Variants in CDH13 observed in about 807,000 individuals in gnomAD.
CDH13 encodes the protein cadherin-13.
CDH13 carries 24 observed loss-of-function variants against 63.8 expected under a neutral mutation model. That is an observed-to-expected ratio of 0.38 (90% CI 0.27 to 0.53). The LOEUF (loss-of-function observed/expected upper bound fraction) is 0.53, where lower values mean the gene tolerates loss of function less well. Among genes scored for constraint, CDH13 ranks in the 20% least tolerant of loss-of-function variants. The pLI, the probability that CDH13 is intolerant of heterozygous loss-of-function variation, is 0.85. For synonymous variants in CDH13, 503 were observed against 355.3 expected (o/e 1.42, Z -4.67); for missense variants, 1,049 against 903.1 (o/e 1.16, Z -2.07).
At chr16:82,859,669 C>A (rs74029265) in intron 2 of CDH13, 1 of 151,664 alleles carries the variant, frequency 6.6e-6, no homozygotes, top group South Asian at 2.1e-4. Context: ...CTCAGGTTTA[C>A]GTTCCACGCT....
At chr16:82,905,492 A>G (rs879012246) in intron 2 of CDH13, among the ~76,000 whole-genome samples, 2 of 151,912 alleles carry the variant, frequency 1.3e-5, no homozygotes, top group Admixed American at 1.3e-4. Context: ...CAGCAAATTA[A>G]AAACAAAGCC....
At chr16:83,059,784 TTTTTGTTTG>T (rs2031335401) in intron 3 of CDH13, among the ~76,000 whole-genome samples, 1 of 123,812 alleles carries the variant, frequency 8.1e-6, no homozygotes, top group African/African-American at 3.0e-5. Context: ...TTTGTTTTTT[TTTTTGTTTG>T]TTTTTTTTTT....
intron 7 of CDH13, among the ~76,000 whole-genome samples, chr16:83,497,104 G>A (rs138406260): frequency 0.21 from 32,375 of 152,064 alleles, 3,536 homozygotes; most frequent in Middle Eastern, 0.31. Context: ...TCAGTGTGGC[G>A]TTTCCTCAGG....
intron 10 of CDH13, among the ~76,000 whole-genome samples, chr16:83,746,706 A>G (rs1912618981): frequency 6.6e-6 from 1 of 152,184 alleles, no homozygotes; most frequent in South Asian, 2.1e-4. Context: ...ATGGGGATGT[A>G]CTTCAAAGAT....
At chr16:83,252,665 C>T (rs73593955) in intron 5 of CDH13, among the ~76,000 whole-genome samples, 286 of 152,158 alleles carry the variant, frequency 1.9e-3, no homozygotes, top group African/African-American at 6.6e-3. Flanking sequence ...CAACCTGGGG[C>T]GAAGGTGATT....
chr16:83,326,060 G>C (rs1038805195), intron 5 of CDH13, among the ~76,000 whole-genome samples: 2 of 152,142 alleles, frequency 1.3e-5, no homozygotes, highest in Non-Finnish European at 2.9e-5. Flanking sequence ...TTAAAATAGA[G>C]GGAAGGAGAA....
At chr16:82,773,729 AC>A (rs2035364058) in intron 1 of CDH13, among the ~76,000 whole-genome samples, 1 of 152,082 alleles carries the variant, frequency 6.6e-6, no homozygotes, top group African/African-American at 2.4e-5. Context: ...TATGTTGCCA[AC>A]ATTGCATTTT....
At chr16:83,614,021 GTCTATT>G (rs1909080322) in intron 8 of CDH13, among the ~76,000 whole-genome samples, 1 of 152,010 alleles carries the variant, frequency 6.6e-6, no homozygotes, top group Non-Finnish European at 1.5e-5. Context: ...ATACTTCTGA[GTCTATT>G]TCTATTATCA....
At chr16:83,062,270 C>A (rs1230092816) in intron 3 of CDH13, among the ~76,000 whole-genome samples, 1 of 152,202 alleles carries the variant, frequency 6.6e-6, no homozygotes, top group Non-Finnish European at 1.5e-5. Flanking sequence ...TATCACAGTA[C>A]CTCACTTGTG....
chr16:83,665,294 AT>A (rs1913841162), intron 8 of CDH13, among the ~76,000 whole-genome samples: 1 of 152,190 alleles, frequency 6.6e-6, no homozygotes, highest in Admixed American at 6.5e-5. Context: ...AAATTCTCCA[AT>A]TTCTTAGTAA....
At chr16:82,881,460 G>A (rs2040698966) in intron 2 of CDH13, among the ~76,000 whole-genome samples, 1 of 152,140 alleles carries the variant, frequency 6.6e-6, no homozygotes, top group Admixed American at 6.5e-5. Flanking sequence ...GTTGGGGCAA[G>A]GGAGCCAAGC....
At chr16:83,543,648 G>A (rs924392647) in intron 7 of CDH13, among the ~76,000 whole-genome samples, 1 of 152,138 alleles carries the variant, frequency 6.6e-6, no homozygotes, top group Admixed American at 6.5e-5. Context: ...GTGCTCCTCA[G>A]GGGACAGACA....
intron 7 of CDH13, among the ~76,000 whole-genome samples, chr16:83,510,644 A>G (rs964162007): frequency 1.3e-5 from 2 of 152,176 alleles, no homozygotes; most frequent in African/African-American, 4.8e-5. Context: ...TCAAGACTCA[A>G]AGCTGATGCT....
Position 82,629,059 on chromosome 16 carries a change from G to C in CDH13, c.45+1922G>C, listed in dbSNP as rs1431343546. Among the ~76,000 whole-genome samples, 10 of 152,206 alleles carry C rather than the reference G, an allele frequency of 6.6e-5. No individual in the cohort carries two copies. The East Asian group carries it at 1.9e-3, about 29-fold the overall frequency. ...CACAGTCCTCTTTCTTTCTTGGCAG[G>C]TTTCAACCTCAGTTCATATTCCAGG... is the stretch of plus-strand genomic sequence containing the variant. On this transcript the variant is annotated intron_variant, in intron 1 of 13. Coordinates refer to ENST00000567109, the MANE Select transcript of CDH13 (RefSeq NM_001257.5).
At chr16:83,699,627 GCA>G (rs769722184) in intron 10 of CDH13, among the ~76,000 whole-genome samples, 7 of 152,034 alleles carry the variant, frequency 4.6e-5, no homozygotes, top group Admixed American at 6.5e-5. Flanking sequence ...GCACACATAT[GCA>G]CACACACGTG....
intron 1 of CDH13, among the ~76,000 whole-genome samples, chr16:82,707,961 G>C (rs147511986): frequency 3.3e-5 from 5 of 152,224 alleles, no homozygotes; most frequent in Admixed American, 6.5e-5. Flanking sequence ...GTCATGTTTT[G>C]GTCCCTTGGT....
At chr16:82,894,468 G>C (rs35301735) in intron 2 of CDH13, among the ~76,000 whole-genome samples, 55,771 of 151,814 alleles carry the variant, frequency 0.37, 11,110 homozygotes, top group East Asian at 0.77. Flanking sequence ...ATGGTGAAAC[G>C]TCATCTCTAC....
At chr16:83,264,131 A>C (rs1907312062) in intron 5 of CDH13, among the ~76,000 whole-genome samples, 1 of 152,220 alleles carries the variant, frequency 6.6e-6, no homozygotes. Flanking sequence ...GAAGTGAATC[A>C]GAGTTATAGA....
At chr16:83,294,967 C>G (rs373135431) in intron 5 of CDH13, among the ~76,000 whole-genome samples, 1 of 152,058 alleles carries the variant, frequency 6.6e-6, no homozygotes, top group Non-Finnish European at 1.5e-5. Flanking sequence ...ATCACACTAC[C>G]TGACTTCAAA....
Sources: gnomAD v4.1 joint callset for allele counts (sites outside exome capture counted in the v4.1 genomes callset) on GRCh38, gnomAD v4.1.1 for gene constraint, MANE v1.5 for transcripts, NCBI Gene and HGNC (gene_info 2026-07-23, HGNC 2026-07-21) for gene names.